Variants in GALNTL6 observed in about 807,000 individuals in gnomAD.
GALNTL6 encodes polypeptide N-acetylgalactosaminyltransferase-like 6.
A neutral mutation model predicts 73.7 loss-of-function variants in GALNTL6; 46 were observed. That is an observed-to-expected ratio of 0.62 (90% CI 0.49 to 0.80). The LOEUF (loss-of-function observed/expected upper bound fraction) is 0.80. Ranked by LOEUF, GALNTL6 falls within the 30% of genes least tolerant of loss-of-function variation. The probability of loss-of-function intolerance (pLI) is 0.00; values close to 1 mark genes in which losing one functional copy is unlikely to be tolerated. For missense variants in GALNTL6, 604 were observed against 755.0 expected, an observed-to-expected ratio of 0.80 and a Z score of 2.34; for synonymous variants, 259 against 263.7, an observed-to-expected ratio of 0.98 and a Z score of 0.17.
chr4:172,714,703 G>A (rs989082233), intron 5 of GALNTL6, among the ~76,000 whole-genome samples: 2 of 152,024 alleles, frequency 1.3e-5, no homozygotes, highest in African/African-American at 2.4e-5. Context: ...TCAATACATA[G>A]GCCATTTAAA....
intron 11 of GALNTL6, among the ~76,000 whole-genome samples, chr4:173,011,884 C>T (rs533283570): frequency 7.9e-5 from 12 of 152,208 alleles, no homozygotes; most frequent in Admixed American, 5.2e-4. Flanking sequence ...GCAAAATTGC[C>T]TTTGCTCTCT....
At chr4:172,794,993 T>G (rs1740187959) in intron 5 of GALNTL6, among the ~76,000 whole-genome samples, 1 of 152,048 alleles carries the variant, frequency 6.6e-6, no homozygotes, top group Non-Finnish European at 1.5e-5. Context: ...CTCGAATGAA[T>G]GAAAAAGAGA....
intron 2 of GALNTL6, among the ~76,000 whole-genome samples, chr4:171,821,243 T>G (rs1405784677): frequency 6.6e-6 from 1 of 152,042 alleles, no homozygotes; most frequent in Non-Finnish European, 1.5e-5. Context: ...GGTCTCACTA[T>G]GTTACCCAGG....
At chr4:171,903,142 A>C (rs1037342450) in intron 2 of GALNTL6, among the ~76,000 whole-genome samples, 57 of 152,278 alleles carry the variant, frequency 3.7e-4, no homozygotes, top group African/African-American at 1.3e-3. Flanking sequence ...GGGAGGAGCC[A>C]AGATGGCCTA....
At chr4:172,647,524 G>T (rs1319367427) in intron 5 of GALNTL6, among the ~76,000 whole-genome samples, 1 of 151,826 alleles carries the variant, frequency 6.6e-6, no homozygotes, top group Non-Finnish European at 1.5e-5. Context: ...CAGGGCCCAG[G>T]CTGAGGCACG....
rs530470839 is a variant in GALNTL6 at position 172,961,704 on chromosome 4, AG to A, written c.1371+9449del. ...CAAGATTGAAAGGAGAAAGAGGTTG[AG>A]GGATAGTGAGAGAGGCTGGAGAAGA... On this transcript the variant is annotated intron_variant, in intron 10 of 12. Coordinates refer to ENST00000506823, the MANE Select transcript of GALNTL6 (RefSeq NM_001034845.3). 2.6e-5 allele frequency among the ~76,000 whole-genome samples: 4 copies of A among 152,278 alleles called. No homozygotes were observed. The South Asian group carries it at 8.3e-4, about 32-fold the overall frequency.
intron 2 of GALNTL6, among the ~76,000 whole-genome samples, chr4:171,988,366 G>C (rs577580103): frequency 2.6e-5 from 4 of 152,202 alleles, no homozygotes; most frequent in Non-Finnish European, 5.9e-5. Flanking sequence ...ATTTGGGCTT[G>C]ACTGAAGTAA....
chr4:172,658,466 C>CA (rs1207091609), intron 5 of GALNTL6, among the ~76,000 whole-genome samples: 1,301 of 52,792 alleles, frequency 0.025, 24 homozygotes, highest in African/African-American at 0.069. Context: ...GACTCCGTCT[C>CA]AAAAAAAAAA....
intron 8 of GALNTL6, among the ~76,000 whole-genome samples, chr4:172,916,517 T>G (rs1747519778): frequency 6.6e-6 from 1 of 152,076 alleles, no homozygotes; most frequent in Admixed American, 6.5e-5. Context: ...CAGCCCAAAA[T>G]CTCCTTAAGC....
At chr4:171,909,500 T>C (rs980553041) in intron 2 of GALNTL6, among the ~76,000 whole-genome samples, 7 of 152,190 alleles carry the variant, frequency 4.6e-5, no homozygotes, top group African/African-American at 1.7e-4. Context: ...ATAAGCTTAG[T>C]TGCTAAGCTC....
Position 171,940,613 on chromosome 4 carries a change from GGA to G in GALNTL6, c.138+125897_138+125898del, listed in dbSNP as rs1257626123. Among the ~76,000 whole-genome samples the G allele has an allele frequency of 3.9e-5, 6 of 151,992 alleles. 1 individual carries two copies. Among genetic ancestry groups the G allele is most frequent in the Admixed American group, 2.6e-4 (4 of 15,244 alleles). ...AAGGCAGGCAGATCACTTGAGGTCA[GGA>G]GTTTGAGACCAGCCTGACCAACATG... On this transcript the variant is annotated intron_variant, in intron 2 of 12. Coordinates refer to ENST00000506823, the MANE Select transcript of GALNTL6 (RefSeq NM_001034845.3).
intron 5 of GALNTL6, among the ~76,000 whole-genome samples, chr4:172,567,270 C>A (rs1736589043): frequency 6.6e-6 from 1 of 152,062 alleles, no homozygotes; most frequent in Middle Eastern, 3.4e-3. Context: ...ATGCAAATAT[C>A]TGAATTCCAA....
intron 5 of GALNTL6, among the ~76,000 whole-genome samples, chr4:172,529,830 C>T (rs918713330): frequency 2.0e-5 from 3 of 150,040 alleles, no homozygotes; most frequent in Non-Finnish European, 4.4e-5. Context: ...GGATTACAGG[C>T]GTGCACCACC....
intron 2 of GALNTL6, among the ~76,000 whole-genome samples, chr4:171,907,983 C>T (rs1266355891): frequency 6.6e-6 from 1 of 151,878 alleles, no homozygotes; most frequent in Non-Finnish European, 1.5e-5. Flanking sequence ...ACACCTTATA[C>T]AAAAATTAAT....
chr4:172,236,949 T>C (rs1028826760), intron 3 of GALNTL6, among the ~76,000 whole-genome samples: 4 of 152,208 alleles, frequency 2.6e-5, no homozygotes, highest in East Asian at 1.9e-4. Context: ...TTCTCACTTA[T>C]AATAAGAACA....
intron 3 of GALNTL6, among the ~76,000 whole-genome samples, chr4:172,256,300 C>A (rs1206315963): frequency 2.0e-5 from 3 of 151,352 alleles, no homozygotes; most frequent in African/African-American, 7.3e-5. Flanking sequence ...TGATAACACT[C>A]CAGACTCCGT....
chr4:172,362,918 T>C (rs1199658568), intron 5 of GALNTL6, among the ~76,000 whole-genome samples: 1 of 152,198 alleles, frequency 6.6e-6, no homozygotes, highest in Non-Finnish European at 1.5e-5. Flanking sequence ...AACTGAGGCT[T>C]TAATTCACTT....
chr4:172,314,269 CCTTTTCA>C (rs1740466673), intron 4 of GALNTL6, among the ~76,000 whole-genome samples: 1 of 152,096 alleles, frequency 6.6e-6, no homozygotes, highest in South Asian at 2.1e-4. Context: ...AGAAACTTTT[CCTTTTCA>C]GTAAGCCAAT....
chr4:172,336,685 T>C (rs1741338889), intron 4 of GALNTL6, among the ~76,000 whole-genome samples: 2 of 152,218 alleles, frequency 1.3e-5, no homozygotes, highest in South Asian at 4.1e-4. Flanking sequence ...TCTTGGAATA[T>C]GTTCTGCATG....
Sources: allele counts gnomAD v4.1 joint callset (sites outside exome capture counted in the v4.1 genomes callset), GRCh38; gene constraint gnomAD v4.1.1; transcripts MANE v1.5; gene names NCBI Gene and HGNC (gene_info 2026-07-23, HGNC 2026-07-21).